The following PPM1E variants were observed in gnomAD, a reference collection of about 807,000 sequenced individuals.
PPM1E encodes protein phosphatase 1E.
A neutral mutation model predicts 65.9 loss-of-function variants in PPM1E; 20 were observed. The ratio of observed to expected loss-of-function variants is 0.30; its 90% CI spans 0.21 to 0.44. The LOEUF (loss-of-function observed/expected upper bound fraction) is 0.44. Among genes scored for constraint, PPM1E ranks in the 20% least tolerant of loss-of-function variants. The pLI is 1.00. For synonymous variants in PPM1E, 352 were observed against 374.9 expected (o/e 0.94, Z 0.70); for missense variants, 713 against 953.1 (o/e 0.75, Z 3.32).
Position 58,971,795 on chromosome 17 carries a change from G to C in PPM1E, c.973-337G>C, listed in dbSNP as rs537498145. ...TAGAGGATTTAGTGCTTGACTGGGAGGAAAAAGAATTTCAATTCTGTCTTA... is the reference window on the plus strand; with the variant it reads ...TAGAGGATTTAGTGCTTGACTGGGACGAAAAAGAATTTCAATTCTGTCTTA... On this transcript the variant is annotated intron_variant, in intron 4 of 6. Transcript: ENST00000308249. Among the ~76,000 whole-genome samples, 6 of 152,274 alleles carry C rather than the reference G, an allele frequency of 3.9e-5. No individual in the cohort carries two copies. The East Asian group carries it at 1.2e-3, about 29-fold the overall frequency.
At chr17:58,933,409 A>T (rs1459754481) in intron 1 of PPM1E, among the ~76,000 whole-genome samples, 2 of 152,222 alleles carry the variant, frequency 1.3e-5, no homozygotes, top group Non-Finnish European at 2.9e-5. Context: ...AATCGGAAAC[A>T]ACTAAGATGC....
At chr17:58,816,794 ATTTTTTTTT>A (rs71367634) in intron 1 of PPM1E, among the ~76,000 whole-genome samples, 5 of 16,648 alleles carry the variant, frequency 3.0e-4, no homozygotes, top group Admixed American at 9.4e-4. Flanking sequence ...ATATATATAT[ATTTTTTTTT>A]TTTTTTTTTT....
intron 1 of PPM1E, among the ~76,000 whole-genome samples, chr17:58,857,358 T>C (rs2050894155): frequency 6.6e-6 from 1 of 152,150 alleles, no homozygotes; most frequent in Non-Finnish European, 1.5e-5. Flanking sequence ...TTTAATTTGT[T>C]TTCCTGGGGC....
At chr17:58,781,734 A>G (rs919828465) in intron 1 of PPM1E, among the ~76,000 whole-genome samples, 1 of 151,698 alleles carries the variant, frequency 6.6e-6, no homozygotes, top group African/African-American at 2.4e-5. Flanking sequence ...TGAAAATACA[A>G]CATTAGCTGG....
intron 1 of PPM1E, among the ~76,000 whole-genome samples, chr17:58,888,604 T>C (rs1389559796): frequency 6.6e-6 from 1 of 152,042 alleles, no homozygotes; most frequent in African/African-American, 2.4e-5. Flanking sequence ...CCTTTCTACT[T>C]GCCTTGGCCT....
chr17:58,805,169 A>T (rs901914519), intron 1 of PPM1E, among the ~76,000 whole-genome samples: 23 of 152,106 alleles, frequency 1.5e-4, no homozygotes, highest in African/African-American at 5.6e-4. Flanking sequence ...TGGTTACATG[A>T]ATAAGATCTT....
intron 1 of PPM1E, among the ~76,000 whole-genome samples, chr17:58,950,201 A>C (rs930988959): frequency 1.3e-5 from 2 of 152,154 alleles, no homozygotes; most frequent in Non-Finnish European, 2.9e-5. Flanking sequence ...GTCTCTACTA[A>C]AAATACAAAA....
chr17:58,821,931 A>G (rs1289388626), intron 1 of PPM1E, among the ~76,000 whole-genome samples: 1 of 152,202 alleles, frequency 6.6e-6, no homozygotes, highest in Non-Finnish European at 1.5e-5. Context: ...AGTTTAGTCA[A>G]CTAGCTTTTC....
intron 1 of PPM1E, among the ~76,000 whole-genome samples, chr17:58,953,262 G>C (rs2052265666): frequency 6.6e-6 from 1 of 152,200 alleles, no homozygotes; most frequent in South Asian, 2.1e-4. Context: ...ATAATGAAAA[G>C]AGGTTTATTT....
intron 1 of PPM1E, among the ~76,000 whole-genome samples, chr17:58,825,111 A>G (rs1416080293): frequency 6.6e-6 from 1 of 151,932 alleles, no homozygotes; most frequent in African/African-American, 2.4e-5. Flanking sequence ...AATCTCCCAA[A>G]TCACCACTAA....
intron 1 of PPM1E, among the ~76,000 whole-genome samples, chr17:58,821,781 CT>C (rs1291940939): frequency 2.0e-5 from 3 of 152,158 alleles, no homozygotes; most frequent in Non-Finnish European, 2.9e-5. Context: ...TTTTCCTGGG[CT>C]TTAGAACTCC....
At chr17:58,846,823 C>G (rs1166498216) in intron 1 of PPM1E, among the ~76,000 whole-genome samples, 1 of 152,156 alleles carries the variant, frequency 6.6e-6, no homozygotes, top group Non-Finnish European at 1.5e-5. Flanking sequence ...ATTTCTAGTT[C>G]TAGATCCTTG....
intron 1 of PPM1E, among the ~76,000 whole-genome samples, chr17:58,822,063 C>T (rs2050485596): frequency 6.6e-6 from 1 of 152,068 alleles, no homozygotes; most frequent in South Asian, 2.1e-4. Flanking sequence ...GAGCTGGCAG[C>T]TTCAGGAAGG....
intron 2 of PPM1E, among the ~76,000 whole-genome samples, chr17:58,959,563 T>C (rs4597376): frequency 0.64 from 94,154 of 147,394 alleles, 30,327 homozygotes; most frequent in African/African-American, 0.72. Context: ...CACGCCACTG[T>C]ACTCTAGCCT....
At chr17:58,894,822 C>A (rs967771188) in intron 1 of PPM1E, among the ~76,000 whole-genome samples, 1 of 151,842 alleles carries the variant, frequency 6.6e-6, no homozygotes, top group South Asian at 2.1e-4. Flanking sequence ...GAAATTTATT[C>A]GAGTTGATGT....
intron 1 of PPM1E, among the ~76,000 whole-genome samples, chr17:58,923,173 T>C (rs190900011): frequency 6.8e-6 from 1 of 148,044 alleles, no homozygotes; most frequent in Non-Finnish European, 1.5e-5. Flanking sequence ...TAGGCCCAGC[T>C]ACTCATGAGG....
chr17:58,924,000 C>T (rs2051790453), intron 1 of PPM1E, among the ~76,000 whole-genome samples: 1 of 147,442 alleles, frequency 6.8e-6, no homozygotes, highest in Admixed American at 6.9e-5. Flanking sequence ...CTCACTGCAA[C>T]CTCCACCTCC....
Position 58,836,943 on chromosome 17 carries a change from C to T in PPM1E, c.464+80482C>T, listed in dbSNP as rs1240204339. 3.1e-3 allele frequency among the ~76,000 whole-genome samples: 455 copies of T among 148,556 alleles called. 4 individuals are homozygous for T. Among genetic ancestry groups the T allele is most frequent in the Non-Finnish European group, 4.7e-3 (318 of 67,042 alleles). On this transcript the variant is annotated intron_variant, in intron 1 of 6. Transcript: ENST00000308249. ...GCTGAGGCAGGAGAATGGCGTGAAC[C>T]CGGGAGGCGGAGCTTGCAGTGAGCC...
intron 1 of PPM1E, among the ~76,000 whole-genome samples, chr17:58,801,273 C>T (rs1403403073): frequency 6.6e-6 from 1 of 151,966 alleles, no homozygotes; most frequent in Non-Finnish European, 1.5e-5. Flanking sequence ...GTAATTTAGT[C>T]CACTTTTTCC....
Sources: allele counts gnomAD v4.1 joint callset (sites outside exome capture counted in the v4.1 genomes callset), GRCh38; gene constraint gnomAD v4.1.1; transcripts MANE v1.5; gene names NCBI Gene and HGNC (gene_info 2026-07-23, HGNC 2026-07-21).